TRIM44: variants seen among roughly 807,000 people sequenced by gnomAD.
The protein encoded by TRIM44 is tripartite motif containing 44.
Under a neutral mutation model 37.4 loss-of-function variants are expected in TRIM44, and 13 were observed. The observed-to-expected ratio is 0.35, with a 90% CI of 0.23 to 0.55. The LOEUF (loss-of-function observed/expected upper bound fraction) is 0.55, where lower values mean the gene tolerates loss of function less well. Ranked by LOEUF, TRIM44 falls within the 20% of genes least tolerant of loss-of-function variation. The pLI is 0.89. For synonymous variants in TRIM44, 175 were observed against 157.2 expected, an observed-to-expected ratio of 1.11 and a Z score of -0.85; for missense variants, 426 against 437.2, an observed-to-expected ratio of 0.97 and a Z score of 0.23.
Position 35,813,939 on chromosome 11 carries a change from G to A in TRIM44, c.*7554G>A, listed in dbSNP as rs1005302564. 6.6e-6 allele frequency: 1 copy of A among 152,110 alleles called. No homozygotes were observed. Among genetic ancestry groups the A allele is most frequent in the African/African-American group, 2.4e-5 (1 of 41,418 alleles). 9.4% of individuals were successfully genotyped at this position (152,110 alleles called of 1,614,324 possible). On this transcript the variant is annotated 3_prime_UTR_variant, in exon 5 of 5. Coordinates refer to ENST00000299413, the MANE Select transcript of TRIM44 (RefSeq NM_017583.6). ...CTTTGTAAGTGACTTTCATGCTACA[G>A]TGCTTTGCATATAATGGCATGAACA...
At chr11:35,801,640 T>A (rs1436332651) in intron 4 of TRIM44, among the ~76,000 whole-genome samples, 2 of 152,164 alleles carry the variant, frequency 1.3e-5, no homozygotes, top group East Asian at 3.9e-4. Context: ...CAGCAGGTGT[T>A]TAGGGTCTGA....
At chr11:35,677,825 T>A (rs1417648497) in intron 1 of TRIM44, among the ~76,000 whole-genome samples, 1 of 152,194 alleles carries the variant, frequency 6.6e-6, no homozygotes, top group Non-Finnish European at 1.5e-5. Context: ...ATAAGTGATA[T>A]TTTAAATAAT....
chr11:35,761,639 A>C (rs1025170029), intron 4 of TRIM44, among the ~76,000 whole-genome samples: 1 of 152,202 alleles, frequency 6.6e-6, no homozygotes, highest in Non-Finnish European at 1.5e-5. Flanking sequence ...CTGTTTTCCA[A>C]ATGAGGAAAA....
At chr11:35,729,989 A>T (rs535239338) in intron 3 of TRIM44, among the ~76,000 whole-genome samples, 1 of 152,236 alleles carries the variant, frequency 6.6e-6, no homozygotes, top group East Asian at 1.9e-4. Context: ...AAATAAAATG[A>T]AATGAAAATC....
chr11:35,791,561 C>G (rs953866957), intron 4 of TRIM44, among the ~76,000 whole-genome samples: 13 of 152,304 alleles, frequency 8.5e-5, no homozygotes, highest in African/African-American at 2.9e-4. Context: ...GACACGTTCT[C>G]TCACTGGACC....
At position 35,808,009 on chromosome 11, in the gene TRIM44, G is replaced by C. The variant is rs1414196084; in HGVS notation, c.*1624G>C. The C allele has an allele frequency of 6.6e-6, 1 of 152,088 alleles. No homozygotes were observed. The highest frequency in any genetic ancestry group is 1.5e-5 in the Non-Finnish European group (1 of 68,004). The allele number at this position is 152,088 out of a possible 1,614,324, so 9.4% of individuals were successfully genotyped here. ...TTAGGACCAGCTGATTGTTATGCTT[G>C]CAGGATGGTTTTGAAACAGAAACAA... On this transcript the variant is annotated 3_prime_UTR_variant, in exon 5 of 5. Transcript: ENST00000299413.
At chr11:35,779,923 C>T (rs1389833917) in intron 4 of TRIM44, among the ~76,000 whole-genome samples, 10 of 145,698 alleles carry the variant, frequency 6.9e-5, no homozygotes, top group African/African-American at 2.3e-4. Context: ...TATAGGTGTG[C>T]AGCTTTATTT....
chr11:35,709,058 G>T (rs967909710), intron 2 of TRIM44, among the ~76,000 whole-genome samples: 2 of 151,476 alleles, frequency 1.3e-5, no homozygotes, highest in African/African-American at 4.8e-5. Context: ...CAGGTAAAAC[G>T]TACCCCATTA....
chr11:35,787,319 C>A (rs959026975), intron 4 of TRIM44, among the ~76,000 whole-genome samples: 5 of 152,136 alleles, frequency 3.3e-5, no homozygotes, highest in African/African-American at 1.2e-4. Flanking sequence ...CAACCATATT[C>A]TTAAACACCA....
chr11:35,803,023 T>C (rs924110776), intron 4 of TRIM44, among the ~76,000 whole-genome samples: 12 of 152,136 alleles, frequency 7.9e-5, no homozygotes, highest in Non-Finnish European at 1.8e-4. Flanking sequence ...AAGGGTAACA[T>C]TTTTTATCAT....
At chr11:35,777,162 G>A (rs1038189689) in intron 4 of TRIM44, among the ~76,000 whole-genome samples, 54 of 152,148 alleles carry the variant, frequency 3.5e-4, no homozygotes, top group Admixed American at 2.2e-3. Context: ...ATATATATTT[G>A]GGATAGTTAG....
chr11:35,815,565 T>C lies in TRIM44; in HGVS notation c.*9180T>C, dbSNP rs144607842. 9 of 152,296 alleles carry C rather than the reference T, an allele frequency of 5.9e-5. No individual in the cohort carries two copies. Among genetic ancestry groups the C allele is most frequent in the African/African-American group, 1.9e-4 (8 of 41,572 alleles). 9.4% of individuals were successfully genotyped at this position (152,296 alleles called of 1,614,324 possible). ...CTGATCTATTTTCCCCAAATTAATA[T>C]TTTCCCTGGAAGATTCTGACCTGTC... is the stretch of plus-strand genomic sequence containing the variant. On this transcript the variant is annotated 3_prime_UTR_variant, in exon 5 of 5. Coordinates refer to ENST00000299413, the MANE Select transcript of TRIM44 (RefSeq NM_017583.6).
chr11:35,738,769 T>C (rs1163172932), intron 4 of TRIM44, among the ~76,000 whole-genome samples: 1 of 152,084 alleles, frequency 6.6e-6, no homozygotes, highest in Non-Finnish European at 1.5e-5. Context: ...AGAAAGGAAG[T>C]GTGGGAGTCC....
intron 3 of TRIM44, among the ~76,000 whole-genome samples, chr11:35,731,175 C>G (rs893036681): frequency 6.6e-6 from 1 of 152,078 alleles, no homozygotes; most frequent in African/African-American, 2.4e-5. Flanking sequence ...TGTTCATAAT[C>G]TTAGAAGGAA....
At chr11:35,696,417 C>T (rs916991001) in intron 2 of TRIM44, among the ~76,000 whole-genome samples, 1 of 151,060 alleles carries the variant, frequency 6.6e-6, no homozygotes, top group Non-Finnish European at 1.5e-5. Flanking sequence ...GCTGGGAATA[C>T]AGGCGTGAGC....
At chr11:35,675,906 G>A (rs1220418593) in intron 1 of TRIM44, among the ~76,000 whole-genome samples, 2 of 152,034 alleles carry the variant, frequency 1.3e-5, no homozygotes, top group Non-Finnish European at 2.9e-5. Context: ...CAATACCCTG[G>A]CCTTATCTAG....
intron 1 of TRIM44, among the ~76,000 whole-genome samples, chr11:35,679,653 A>G (rs1851502614): frequency 6.6e-6 from 1 of 152,234 alleles, no homozygotes; most frequent in African/African-American, 2.4e-5. Context: ...GGAGCCCATT[A>G]CAGTCATACC....
chr11:35,793,916 A>G (rs1853249633), intron 4 of TRIM44, among the ~76,000 whole-genome samples: 1 of 152,194 alleles, frequency 6.6e-6, no homozygotes, highest in African/African-American at 2.4e-5. Context: ...GAAAACTGTA[A>G]AGATTTGGAT....
intron 1 of TRIM44, among the ~76,000 whole-genome samples, chr11:35,671,352 C>T (rs1413042121): frequency 6.6e-6 from 1 of 152,096 alleles, no homozygotes; most frequent in Non-Finnish European, 1.5e-5. Context: ...CTAAAATGGG[C>T]ATAATGATAA....
Sources: gnomAD v4.1 joint callset for allele counts (sites outside exome capture counted in the v4.1 genomes callset) on GRCh38, gnomAD v4.1.1 for gene constraint, MANE v1.5 for transcripts, NCBI Gene and HGNC (gene_info 2026-07-23, HGNC 2026-07-21) for gene names.